Variants in PHKB observed in about 807,000 individuals in gnomAD.
PHKB encodes phosphorylase b kinase regulatory subunit beta.
A neutral mutation model predicts 152.1 loss-of-function variants in PHKB; 122 were observed. The observed-to-expected ratio is 0.80, with a 90% CI of 0.69 to 0.93. PHKB has a LOEUF of 0.93. Among genes scored for constraint, PHKB ranks in the 40% least tolerant of loss-of-function variants. PHKB has a pLI of 0.00. For missense variants in PHKB, 1,304 were observed against 1,328.4 expected (o/e 0.98, Z 0.29); for synonymous variants, 436 against 464.9 (o/e 0.94, Z 0.80).
At chr16:47,619,698 C>G (rs1227553800) in intron 14 of PHKB, among the ~76,000 whole-genome samples, 1 of 152,182 alleles carries the variant, frequency 6.6e-6, no homozygotes, top group Non-Finnish European at 1.5e-5. Flanking sequence ...CTTCGTTGTT[C>G]ATACTGCAGC....
intron 25 of PHKB, among the ~76,000 whole-genome samples, chr16:47,668,055 C>T (rs1448785958): frequency 1.3e-5 from 2 of 152,118 alleles, no homozygotes; most frequent in African/African-American, 4.8e-5. Flanking sequence ...TACCTCTTTA[C>T]AAAAAAGAAA....
chr16:47,629,313 A>G (rs1381289760), intron 14 of PHKB, among the ~76,000 whole-genome samples: 2 of 152,146 alleles, frequency 1.3e-5, no homozygotes, highest in Admixed American at 6.5e-5. Context: ...CAATGAACTC[A>G]AACAAATTGA....
chr16:47,526,988 AG>A (rs748236693), intron 6 of PHKB, among the ~76,000 whole-genome samples: 19 of 152,312 alleles, frequency 1.2e-4, no homozygotes, highest in Non-Finnish European at 7.4e-5. Flanking sequence ...CCAGAGCAGG[AG>A]CAAGAGGGAG....
rs147903957 is a variant in PHKB, at chr16:47,534,931, A to T, written c.595-12502A>T. Reference sequence around the variant, plus strand: ...TTTATTGAGGTCATAAGAAATGAGGAATGAGTGAGGAAGAAATAAGCTAAG... The same window carrying T: ...TTTATTGAGGTCATAAGAAATGAGGTATGAGTGAGGAAGAAATAAGCTAAG... On this transcript the variant is annotated intron_variant, in intron 6 of 30. Transcript: ENST00000323584. Among the ~76,000 whole-genome samples the T allele has an allele frequency of 1.0e-2, 1,520 of 152,306 alleles. 17 individuals are homozygous for T. The highest frequency in any genetic ancestry group is 0.015 in the Non-Finnish European group (1,006 of 68,016).
chr16:47,543,604 A>C (rs1261107255), intron 6 of PHKB, among the ~76,000 whole-genome samples: 1 of 152,182 alleles, frequency 6.6e-6, no homozygotes, highest in Non-Finnish European at 1.5e-5. Context: ...CCTCTGGTAC[A>C]ATTCGGCTGT....
intron 14 of PHKB, among the ~76,000 whole-genome samples, chr16:47,634,999 G>A (rs1045243321): frequency 2.0e-5 from 3 of 152,130 alleles, no homozygotes; most frequent in African/African-American, 7.2e-5. Flanking sequence ...GCTGTGAATG[G>A]GTGGGATGGG....
chr16:47,575,263 TAACAC>T (rs1311611518), intron 7 of PHKB, among the ~76,000 whole-genome samples: 3 of 152,176 alleles, frequency 2.0e-5, no homozygotes, highest in Non-Finnish European at 4.4e-5. Context: ...GAATGTAAAT[TAACAC>T]AACCTCTATG....
chr16:47,649,021 TTTA>T (rs1973185639), intron 17 of PHKB, 76 bp from the exon 18 acceptor site: 6 of 809,236 alleles, frequency 7.4e-6, no homozygotes, highest in Non-Finnish European at 1.3e-5. Flanking sequence ...AGTTTTTATT[TTTA>T]TTGAGACTTA....
At chr16:47,654,953 TA>T (rs909967016) in intron 20 of PHKB, among the ~76,000 whole-genome samples, 1 of 151,206 alleles carries the variant, frequency 6.6e-6, no homozygotes, top group East Asian at 1.9e-4. Flanking sequence ...TAAAATATAA[TA>T]AAAAAATAAA....
In PHKB at chr16:47,663,735, GT is replaced by G. The variant is rs1320840693; in HGVS notation, c.2336+4del. The stretch of plus-strand genomic sequence containing the variant: ...GAAGAGCTGGCAGCCAAAAACTTTG[GT>G]TTGTATTAGTGTCCTTGTTGTTATG... On this transcript the variant is annotated splice_donor_variant, in intron 24 of 30. Transcript: ENST00000323584. LOFTEE classifies it high-confidence loss of function. 12 of 1,548,906 alleles carry G rather than the reference GT, an allele frequency of 7.7e-6. No individual in the cohort carries two copies. The highest frequency in any genetic ancestry group is 1.1e-5 in the Non-Finnish European group (12 of 1,120,962).
In PHKB at chr16:47,587,792, C is replaced by T. The variant is rs1163559143; in HGVS notation, c.870+29C>T. 7 of 1,423,954 alleles carry T rather than the reference C, an allele frequency of 4.9e-6. No individual in the cohort carries two copies. The East Asian group carries it at 6.8e-5, about 14-fold the overall frequency. 88.2% of individuals were successfully genotyped at this position (1,423,954 alleles called of 1,614,324 possible). ...AGACATTTAATAATGATAAATTTAA[C>T]ATGAACTATTGTTTATGATTTCTAT... On this transcript the variant is annotated intron_variant, in intron 9 of 30. Transcript: ENST00000323584.
chr16:47,618,174 C>T (rs957146058), intron 14 of PHKB, among the ~76,000 whole-genome samples: 2 of 152,254 alleles, frequency 1.3e-5, no homozygotes, highest in African/African-American at 4.8e-5. Flanking sequence ...GTTTTCTCTG[C>T]TCTGCTTTAT....
chr16:47,514,031 C>A (rs1970554099), intron 5 of PHKB, among the ~76,000 whole-genome samples: 2 of 152,160 alleles, frequency 1.3e-5, no homozygotes, highest in Admixed American at 1.3e-4. Flanking sequence ...TTCTCCAAAG[C>A]CCCCCAGCTC....
At chr16:47,558,901 T>C (rs1971428871) in intron 7 of PHKB, among the ~76,000 whole-genome samples, 1 of 152,200 alleles carries the variant, frequency 6.6e-6, no homozygotes, top group Admixed American at 6.5e-5. Flanking sequence ...ATTCATCCCA[T>C]AGCTGTTTTT....
At chr16:47,606,526 C>T (rs886608830) in intron 13 of PHKB, among the ~76,000 whole-genome samples, 21 of 152,198 alleles carry the variant, frequency 1.4e-4, no homozygotes, top group African/African-American at 4.6e-4. Context: ...AGAAGTGTGC[C>T]GACTCACTTT....
chr16:47,547,411 G>A (rs1027696921), intron 6 of PHKB, 22 bp from the exon 7 acceptor site: 13 of 1,435,946 alleles, frequency 9.1e-6, no homozygotes, highest in Non-Finnish European at 1.3e-5. Context: ...ATGTCCTTAT[G>A]TTTCATTTCT....
chr16:47,535,935 C>G (rs1439202306), intron 6 of PHKB, among the ~76,000 whole-genome samples: 1 of 152,022 alleles, frequency 6.6e-6, no homozygotes, highest in South Asian at 2.1e-4. Flanking sequence ...AGCAAGGTAA[C>G]AGAAATTAGA....
intron 26 of PHKB, 147 bp from the exon 27 acceptor site, chr16:47,688,894 A>T: frequency 1.2e-6 from 1 of 821,476 alleles, no homozygotes; most frequent in Non-Finnish European, 2.1e-6. Context: ...TGATGGAAGT[A>T]ATTGTATCAA....
chr16:47,472,511 G>A (rs534484178), intron 1 of PHKB, among the ~76,000 whole-genome samples: 1 of 152,090 alleles, frequency 6.6e-6, no homozygotes, highest in African/African-American at 2.4e-5. Flanking sequence ...GGCTGGGTGC[G>A]GTGGCTCACG....
Sources: allele counts gnomAD v4.1 joint callset (sites outside exome capture counted in the v4.1 genomes callset), GRCh38; gene constraint gnomAD v4.1.1; transcripts MANE v1.5; gene names NCBI Gene and HGNC (gene_info 2026-07-23, HGNC 2026-07-21).